The following ERBB4 variants were observed in gnomAD, a reference collection of about 807,000 sequenced individuals.
ERBB4 encodes the protein receptor tyrosine-protein kinase erbB-4.
Under a neutral mutation model 158.0 loss-of-function variants are expected in ERBB4, and 42 were observed. The ratio of observed to expected loss-of-function variants is 0.27; its 90% CI spans 0.21 to 0.34. The LOEUF is 0.34. Among genes scored for constraint, ERBB4 ranks in the 10% least tolerant of loss-of-function variants. The pLI is 1.00. For synonymous variants in ERBB4, 583 were observed against 558.7 expected (o/e 1.04, Z -0.61); for missense variants, 1,333 against 1,624.1 (o/e 0.82, Z 3.08).
chr2:211,881,893 A>G (rs1223450130), intron 3 of ERBB4, among the ~76,000 whole-genome samples: 1 of 152,214 alleles, frequency 6.6e-6, no homozygotes, highest in Non-Finnish European at 1.5e-5. Context: ...ACAACGAAGC[A>G]GCTTCAGTGG....
chr2:211,749,377 T>C (rs947519610), intron 5 of ERBB4, among the ~76,000 whole-genome samples: 2 of 152,198 alleles, frequency 1.3e-5, no homozygotes, highest in Non-Finnish European at 2.9e-5. Context: ...AACATGCTAA[T>C]ATTTGAATGA....
At chr2:212,522,292 T>C (rs1692213488) in intron 1 of ERBB4, among the ~76,000 whole-genome samples, 1 of 151,974 alleles carries the variant, frequency 6.6e-6, no homozygotes, top group Admixed American at 6.6e-5. Flanking sequence ...AAGAAGTGCC[T>C]AGCACACTTC....
intron 1 of ERBB4, among the ~76,000 whole-genome samples, chr2:212,526,465 T>C (rs1432201632): frequency 6.6e-6 from 1 of 152,100 alleles, no homozygotes; most frequent in Non-Finnish European, 1.5e-5. Flanking sequence ...AAGAATTATA[T>C]CTGAATACCA....
At chr2:212,177,521 A>G (rs1467332151) in intron 1 of ERBB4, among the ~76,000 whole-genome samples, 1 of 151,898 alleles carries the variant, frequency 6.6e-6, no homozygotes, top group Non-Finnish European at 1.5e-5. Context: ...GTGCCAACTT[A>G]GGGTAATGCA....
At chr2:212,252,566 G>C (rs1176200211) in intron 1 of ERBB4, among the ~76,000 whole-genome samples, 2 of 152,050 alleles carry the variant, frequency 1.3e-5, no homozygotes, top group Non-Finnish European at 2.9e-5. Flanking sequence ...CAAAATTAGA[G>C]ATAGTGAAAT....
intron 1 of ERBB4, among the ~76,000 whole-genome samples, chr2:212,413,395 A>G (rs953762597): frequency 2.0e-5 from 3 of 151,872 alleles, no homozygotes; most frequent in Admixed American, 1.3e-4. Flanking sequence ...ATAGCCACAT[A>G]TACACCTGGC....
chr2:212,407,801 T>C (rs1311005813), intron 1 of ERBB4, among the ~76,000 whole-genome samples: 3 of 152,208 alleles, frequency 2.0e-5, no homozygotes, highest in Admixed American at 6.6e-5. Context: ...TATACTATTC[T>C]AGTTAATAAT....
At chr2:211,485,696 C>G (rs1470302522) in intron 20 of ERBB4, among the ~76,000 whole-genome samples, 2 of 140,866 alleles carry the variant, frequency 1.4e-5, no homozygotes, top group Non-Finnish European at 3.0e-5. Context: ...ACATGTCGCA[C>G]CCCAAACTCA....
intron 1 of ERBB4, among the ~76,000 whole-genome samples, chr2:212,512,380 T>C (rs1186426029): frequency 6.6e-6 from 1 of 151,716 alleles, no homozygotes; most frequent in African/African-American, 2.4e-5. Context: ...ACAAATATGA[T>C]ACAGGTATTT....
At chr2:211,474,223 G>C (rs1372753569) in intron 20 of ERBB4, among the ~76,000 whole-genome samples, 2 of 151,962 alleles carry the variant, frequency 1.3e-5, no homozygotes, top group African/African-American at 4.8e-5. Flanking sequence ...TAAATAATCT[G>C]TCTCTGGTCT....
chr2:212,287,815 A>C (rs78672800), intron 1 of ERBB4, among the ~76,000 whole-genome samples: 4,426 of 152,264 alleles, frequency 0.029, 210 homozygotes, highest in African/African-American at 0.1. Context: ...AACATGAAAT[A>C]CTTAACATGT....
chr2:211,573,612 G>A (rs2067802930), intron 19 of ERBB4, among the ~76,000 whole-genome samples: 2 of 152,154 alleles, frequency 1.3e-5, no homozygotes, highest in South Asian at 4.1e-4. Context: ...GGAGCTTGCA[G>A]TGAGCCGAGA....
intron 1 of ERBB4, among the ~76,000 whole-genome samples, chr2:212,504,234 C>A (rs754270584): frequency 6.6e-6 from 1 of 152,220 alleles, no homozygotes; most frequent in Non-Finnish European, 1.5e-5. Flanking sequence ...GCTATTAAAT[C>A]TTATTTTTAG....
chr2:211,764,015 G>A (rs2075485240), intron 4 of ERBB4, among the ~76,000 whole-genome samples: 1 of 152,106 alleles, frequency 6.6e-6, no homozygotes, highest in Non-Finnish European at 1.5e-5. Flanking sequence ...ATAAAAATGT[G>A]ATTTTAAAGT....
rs373804561 is a variant in ERBB4, at chr2:212,253,760, C to T, written c.83-128857G>A. On this transcript the variant is annotated intron_variant, in intron 1 of 27. Transcript: ENST00000342788. ...TTAAGTAGTTAAGTAAAGTCATATG[C>T]CAGTTAATGAAGGGGATATGTTCTG... 1.1e-4 allele frequency among the ~76,000 whole-genome samples: 16 copies of T among 152,208 alleles called. No individual in the cohort carries two copies. The East Asian group carries it at 2.5e-3, about 24-fold the overall frequency.
At chr2:211,477,583 T>G (rs1356819854) in intron 20 of ERBB4, among the ~76,000 whole-genome samples, 2 of 152,218 alleles carry the variant, frequency 1.3e-5, no homozygotes, top group Non-Finnish European at 1.5e-5. Context: ...AATGGTGAAG[T>G]GTATTCGCTC....
intron 1 of ERBB4, among the ~76,000 whole-genome samples, chr2:212,199,034 G>T (rs528611271): frequency 6.6e-6 from 1 of 151,962 alleles, no homozygotes; most frequent in Non-Finnish European, 1.5e-5. Flanking sequence ...GTGGAATTAC[G>T]GTAATTTTAT....
chr2:212,512,960 C>T (rs1435276337), intron 1 of ERBB4, among the ~76,000 whole-genome samples: 1 of 152,142 alleles, frequency 6.6e-6, no homozygotes, highest in African/African-American at 2.4e-5. Context: ...TTATTTCTTT[C>T]AAAACTATTG....
At chr2:211,491,051 C>T (rs1157191901) in intron 20 of ERBB4, among the ~76,000 whole-genome samples, 1 of 151,974 alleles carries the variant, frequency 6.6e-6, no homozygotes, top group East Asian at 1.9e-4. Context: ...TTCAGGATAT[C>T]CTGTGGGATT....
Sources: allele counts gnomAD v4.1 joint callset (sites outside exome capture counted in the v4.1 genomes callset), GRCh38; gene constraint gnomAD v4.1.1; transcripts MANE v1.5; gene names NCBI Gene and HGNC (gene_info 2026-07-23, HGNC 2026-07-21).